Variants in IL6R observed in about 807,000 individuals in gnomAD.
IL6R encodes the protein interleukin-6 receptor subunit alpha.
Under a neutral mutation model 48.3 loss-of-function variants are expected in IL6R, and 38 were observed. That is an observed-to-expected ratio of 0.79 (90% CI 0.61 to 1.03). The LOEUF (loss-of-function observed/expected upper bound fraction) is 1.03, where lower values mean the gene tolerates loss of function less well. Ranked by LOEUF, IL6R falls within the 50% of genes least tolerant of loss-of-function variation. The pLI, the probability that IL6R is intolerant of heterozygous loss-of-function variation, is 0.00. For missense variants in IL6R, 534 were observed against 618.3 expected (o/e 0.86, Z 1.45); for synonymous variants, 264 against 256.2 (o/e 1.03, Z -0.29).
At chr1:154,463,033 A>G (rs1691358138) in intron 9 of IL6R, among the ~76,000 whole-genome samples, 1 of 150,730 alleles carries the variant, frequency 6.6e-6, no homozygotes, top group African/African-American at 2.4e-5. Flanking sequence ...TGAACTCCTG[A>G]CCTCAAGTAA....
At chr1:154,442,353 C>G (rs1470164387) in intron 6 of IL6R, among the ~76,000 whole-genome samples, 1 of 152,130 alleles carries the variant, frequency 6.6e-6, no homozygotes, top group Non-Finnish European at 1.5e-5. Flanking sequence ...GGGTCCCAGA[C>G]AGAAAATGGG....
At chr1:154,459,695 G>A (rs562333760) in intron 9 of IL6R, among the ~76,000 whole-genome samples, 5 of 151,540 alleles carry the variant, frequency 3.3e-5, no homozygotes, top group Admixed American at 1.3e-4. Context: ...ATATGCTATC[G>A]AAAAGGCTTG....
Position 154,465,435 on chromosome 1 carries a change from C to A in IL6R, c.*55C>A. The A allele has an allele frequency of 6.3e-7, 1 of 1,599,536 alleles. No individual in the cohort carries two copies. Among genetic ancestry groups the A allele is most frequent in the South Asian group, 1.1e-5 (1 of 90,552 alleles). ...CTGTGGATGATAAAACACAAACGGGCTCAGCAAAAGATGCTTCTCACTGCC... is the reference window on the plus strand; with the variant it reads ...CTGTGGATGATAAAACACAAACGGGATCAGCAAAAGATGCTTCTCACTGCC... On this transcript the variant is annotated 3_prime_UTR_variant, in exon 10 of 10. Coordinates refer to ENST00000368485, the MANE Select transcript of IL6R (RefSeq NM_000565.4).
intron 1 of IL6R, among the ~76,000 whole-genome samples, chr1:154,411,877 A>G (rs1046286135): frequency 3.3e-5 from 5 of 152,002 alleles, no homozygotes; most frequent in African/African-American, 9.7e-5. Context: ...CAACAACAAC[A>G]ACAACAAAAG....
In IL6R at chr1:154,465,464, C is replaced by T. The variant is rs1180135028; in HGVS notation, c.*84C>T. 6 of 1,497,116 alleles carry T rather than the reference C, an allele frequency of 4.0e-6. No individual in the cohort carries two copies. The highest frequency in any genetic ancestry group is 5.6e-6 in the Non-Finnish European group (6 of 1,080,804). 92.7% of individuals were successfully genotyped at this position (1,497,116 alleles called of 1,614,324 possible). ...GCAAAAGATGCTTCTCACTGCCATG[C>T]CAGCTTATCTCAGGGGTGTGCGGCC... On this transcript the variant is annotated 3_prime_UTR_variant, in exon 10 of 10. Transcript: ENST00000368485.
chr1:154,427,924 G>A (rs894277458), intron 1 of IL6R, among the ~76,000 whole-genome samples: 2 of 152,230 alleles, frequency 1.3e-5, no homozygotes, highest in South Asian at 4.1e-4. Flanking sequence ...GAGCATGGGC[G>A]AGGAGGTGAG....
At chr1:154,450,073 G>T in intron 8 of IL6R, 93 bp downstream of exon 8, 1 of 798,724 alleles carries the variant, frequency 1.3e-6, no homozygotes, top group Non-Finnish European at 2.2e-6. Flanking sequence ...TGTCGTCAGA[G>T]GATCAATCAC....
chr1:154,427,111 G>C (rs1424181705), intron 1 of IL6R, among the ~76,000 whole-genome samples: 1 of 152,190 alleles, frequency 6.6e-6, no homozygotes, highest in Non-Finnish European at 1.5e-5. Flanking sequence ...GTAGAGACAG[G>C]GTTTCACCAT....
intron 1 of IL6R, 56 bp from the exon 2 acceptor site, chr1:154,429,140 C>G (rs1297750070): frequency 6.4e-7 from 1 of 1,569,268 alleles, no homozygotes; most frequent in South Asian, 1.2e-5. Flanking sequence ...CAGACCAGAA[C>G]GAAGCCCCCT....
At chr1:154,447,945 C>T (rs768021709) in intron 6 of IL6R, among the ~76,000 whole-genome samples, 180 bp from the exon 7 acceptor site, 8 of 152,138 alleles carry the variant, frequency 5.3e-5, no homozygotes, top group African/African-American at 1.7e-4. Flanking sequence ...AACTCCTAAC[C>T]TCAGGTGATC....
chr1:154,446,732 A>C (rs1361966924), intron 6 of IL6R, among the ~76,000 whole-genome samples: 10 of 152,184 alleles, frequency 6.6e-5, no homozygotes. Flanking sequence ...AGGCAAATGA[A>C]TATTTATTTG....
At chr1:154,413,407 C>T (rs964915527) in intron 1 of IL6R, among the ~76,000 whole-genome samples, 4 of 152,236 alleles carry the variant, frequency 2.6e-5, no homozygotes, top group African/African-American at 7.2e-5. Context: ...TGCAAGTACA[C>T]CTGCAGGATA....
chr1:154,435,815 C>A (rs1334113357), intron 5 of IL6R, among the ~76,000 whole-genome samples, 154 bp from the exon 6 acceptor site: 1 of 152,222 alleles, frequency 6.6e-6, no homozygotes, highest in Non-Finnish European at 1.5e-5. Context: ...CTGAGGGCAA[C>A]CCCCTCTCTA....
At chr1:154,461,339 T>C (rs1353556079) in intron 9 of IL6R, among the ~76,000 whole-genome samples, 1 of 152,164 alleles carries the variant, frequency 6.6e-6, no homozygotes, top group Non-Finnish European at 1.5e-5. Context: ...CACAAGAAGC[T>C]GGTGGAGGAC....
intron 1 of IL6R, among the ~76,000 whole-genome samples, chr1:154,409,698 C>G (rs1687920266): frequency 6.6e-6 from 1 of 152,138 alleles, no homozygotes; most frequent in Admixed American, 6.5e-5. Context: ...AGGCACTATT[C>G]TAAGAGCTGG....
chr1:154,448,594 C>T (rs548176201), intron 7 of IL6R, among the ~76,000 whole-genome samples: 1 of 152,236 alleles, frequency 6.6e-6, no homozygotes, highest in African/African-American at 2.4e-5. Flanking sequence ...TATATCTCCT[C>T]CTGTGGCCCT....
chr1:154,441,295 G>T (rs1206762033), intron 6 of IL6R, among the ~76,000 whole-genome samples: 1 of 152,194 alleles, frequency 6.6e-6, no homozygotes, highest in African/African-American at 2.4e-5. Context: ...GGTGGGGGCT[G>T]TCTGGCCAGC....
intron 6 of IL6R, among the ~76,000 whole-genome samples, chr1:154,446,260 C>T (rs1301883864): frequency 2.6e-5 from 4 of 152,182 alleles, no homozygotes; most frequent in African/African-American, 9.7e-5. Flanking sequence ...TTGAACAAGT[C>T]GCTTTCCCTC....
At chr1:154,447,934 G>A (rs899711901) in intron 6 of IL6R, among the ~76,000 whole-genome samples, 191 bp from the exon 7 acceptor site, 5 of 152,012 alleles carry the variant, frequency 3.3e-5, no homozygotes, top group African/African-American at 7.2e-5. Context: ...GGGTGGTCTC[G>A]AACTCCTAAC....
Sources: gnomAD v4.1 joint callset for allele counts (sites outside exome capture counted in the v4.1 genomes callset) on GRCh38, gnomAD v4.1.1 for gene constraint, MANE v1.5 for transcripts, NCBI Gene and HGNC (gene_info 2026-07-23, HGNC 2026-07-21) for gene names.